The following DLGAP4 variants were observed in gnomAD, a reference collection of about 807,000 sequenced individuals.
DLGAP4 encodes the protein disks large-associated protein 4.
Under a neutral mutation model 86.9 loss-of-function variants are expected in DLGAP4, and 18 were observed. The ratio of observed to expected loss-of-function variants is 0.21; its 90% CI spans 0.14 to 0.31. The LOEUF (loss-of-function observed/expected upper bound fraction) is 0.31. Ranked by LOEUF, DLGAP4 falls within the 10% of genes least tolerant of loss-of-function variation. The pLI, the probability that DLGAP4 is intolerant of heterozygous loss-of-function variation, is 1.00. For missense variants in DLGAP4, 1,085 were observed against 1,362.6 expected (o/e 0.80, Z 3.21); for synonymous variants, 548 against 574.3 (o/e 0.95, Z 0.65).
At chr20:36,323,202 A>AAAAAC (rs1555890742) in intron 1 of DLGAP4, among the ~76,000 whole-genome samples, 1 of 150,758 alleles carries the variant, frequency 6.6e-6, no homozygotes, top group African/African-American at 2.4e-5. Flanking sequence ...AAAAAAAAAA[A>AAAAAC]AGATATAGGA....
intron 1 of DLGAP4, among the ~76,000 whole-genome samples, chr20:36,364,297 A>C (rs1429528560): frequency 6.6e-6 from 1 of 152,042 alleles, no homozygotes; most frequent in African/African-American, 2.4e-5. Flanking sequence ...TGTAGTCCCA[A>C]CTACTTTTGA....
chr20:36,381,181 A>C (rs548142655), intron 2 of DLGAP4, among the ~76,000 whole-genome samples: 39 of 152,366 alleles, frequency 2.6e-4, no homozygotes, highest in Admixed American at 1.8e-3. Flanking sequence ...TTCATTCAGC[A>C]AGCAAGCAAG....
intron 2 of DLGAP4, among the ~76,000 whole-genome samples, chr20:36,406,477 C>T (rs1053771202): frequency 5.0e-4 from 75 of 151,464 alleles, no homozygotes; most frequent in African/African-American, 1.7e-3. Flanking sequence ...AGATGCTCTG[C>T]GTGTCTTGGT....
intron 8 of DLGAP4, chr20:36,498,742 C>G (rs574744488): frequency 5.2e-5 from 8 of 154,108 alleles, no homozygotes; most frequent in Non-Finnish European, 1.0e-4. Context: ...CTTGGTGCCT[C>G]ATGCCCTAGA....
chr20:36,408,279 G>A (rs1342932897), intron 2 of DLGAP4, among the ~76,000 whole-genome samples: 2 of 151,936 alleles, frequency 1.3e-5, no homozygotes, highest in Non-Finnish European at 2.9e-5. Context: ...AATCCTTATT[G>A]TTATCCAGGC....
intron 7 of DLGAP4, among the ~76,000 whole-genome samples, chr20:36,471,906 A>G (rs906565271): frequency 6.6e-6 from 1 of 152,162 alleles, no homozygotes; most frequent in Non-Finnish European, 1.5e-5. Context: ...AGACGAGAGA[A>G]AAAAAAAGAT....
At chr20:36,459,715 C>A (rs1245982984) in intron 7 of DLGAP4, among the ~76,000 whole-genome samples, 1 of 152,246 alleles carries the variant, frequency 6.6e-6, no homozygotes, top group Non-Finnish European at 1.5e-5. Flanking sequence ...TCAAGCGATT[C>A]ACCTGCCTCA....
rs768621942 is a variant in DLGAP4, at chr20:36,500,598, C to A, written c.2499C>A (p.Asn833Lys). The A allele has an allele frequency of 3.3e-6, 5 of 1,498,528 alleles. No homozygotes were observed. The highest frequency in any genetic ancestry group is 1.8e-4 in the Middle Eastern group (1 of 5,576). The allele number at this position is 1,498,528 out of a possible 1,614,324, so 92.8% of individuals were successfully genotyped here. The change falls in exon 10 of 13, where the codon AAC becomes AAA. Residue 833 changes from asparagine to lysine, a missense_variant. Coordinates refer to ENST00000339266, the MANE Select transcript of DLGAP4 (RefSeq NM_001365621.2). The surrounding 1 kb of genome is among the most constrained non-coding windows in gnomAD (Gnocchi z 4.6). ...CQMDKETKEN[N>K]LSEEVLGKVL... ...TGGACAAGGAGACCAAAGAGAACAACCTCTCTGAAGAAGGTGGGTGCCACA... is the reference window on the plus strand; with the variant it reads ...TGGACAAGGAGACCAAAGAGAACAAACTCTCTGAAGAAGGTGGGTGCCACA...
At chr20:36,346,533 G>A (rs1555893008) in intron 1 of DLGAP4, among the ~76,000 whole-genome samples, 1 of 152,194 alleles carries the variant, frequency 6.6e-6, no homozygotes, top group African/African-American at 2.4e-5. Context: ...CCCACAAAGT[G>A]GTGCAGGCAG....
chr20:36,345,938 G>T (rs1416171024), intron 1 of DLGAP4, among the ~76,000 whole-genome samples: 1 of 151,926 alleles, frequency 6.6e-6, no homozygotes, highest in Non-Finnish European at 1.5e-5. Flanking sequence ...TTTTATTTTT[G>T]TAGAGACAGG....
chr20:36,505,468 A>C (rs2036321149), intron 10 of DLGAP4, among the ~76,000 whole-genome samples: 1 of 151,700 alleles, frequency 6.6e-6, no homozygotes, highest in African/African-American at 2.4e-5. Context: ...CTTTCTATGG[A>C]CCCCTTCTTA....
At chr20:36,505,347 C>T (rs2036315920) in intron 10 of DLGAP4, among the ~76,000 whole-genome samples, 1 of 152,078 alleles carries the variant, frequency 6.6e-6, no homozygotes, top group Admixed American at 6.6e-5. Flanking sequence ...CTTGTGTCTC[C>T]ACTTATTTTT....
chr20:36,433,602 A>G (rs1230090713), intron 3 of DLGAP4, among the ~76,000 whole-genome samples: 9 of 151,528 alleles, frequency 5.9e-5, no homozygotes, highest in Non-Finnish European at 1.2e-4. Flanking sequence ...CTCAGGGGGA[A>G]TGCAAGCGCG....
At position 36,345,902 on chromosome 20, in the gene DLGAP4, C is replaced by T. The variant is rs2029921637; in HGVS notation, c.-303-21143C>T. 1.3e-5 allele frequency among the ~76,000 whole-genome samples: 2 copies of T among 152,246 alleles called. 1 individual carries two copies. Among genetic ancestry groups the T allele is most frequent in the South Asian group, 4.1e-4 (2 of 4,822 alleles). On this transcript the variant is annotated intron_variant, in intron 1 of 12. Coordinates refer to ENST00000339266, the MANE Select transcript of DLGAP4 (RefSeq NM_001365621.2). ...CCTCCCAAGTAGCTGGGACTACAGG[C>T]ACTTACCACCACACCAGGCTAACTT...
At chr20:36,493,539 C>T (rs922973506) in intron 7 of DLGAP4, among the ~76,000 whole-genome samples, 2 of 152,234 alleles carry the variant, frequency 1.3e-5, no homozygotes, top group African/African-American at 2.4e-5. Context: ...CTGCCTCCGT[C>T]GAGGCCCTTT....
rs1823959291 is a variant in DLGAP4 at position 36,527,493 on chromosome 20, T to G, written c.*462T>G. On this transcript the variant is annotated 3_prime_UTR_variant, in exon 13 of 13. Transcript: ENST00000339266. ...TGATTTTCATTCTTATGTTTTTCTC[T>G]TTTCCCTTCAGAGCTCACACAGTGG... The G allele has an allele frequency of 6.5e-6, 1 of 154,460 alleles. No individual in the cohort carries two copies. The highest frequency in any genetic ancestry group is 2.4e-5 in the African/African-American group (1 of 41,460). The allele number at this position is 154,460 out of a possible 1,614,324, so 9.6% of individuals were successfully genotyped here.
chr20:36,419,175 T>G lies in DLGAP4; in HGVS notation c.-72-12471T>G, dbSNP rs114276079. ...CTTACTCTTGTCACCTAGACTGGAG[T>G]GCAGTGGCAAAATCATGGCTCACTG... On this transcript the variant is annotated intron_variant, in intron 2 of 12. Transcript: ENST00000339266. Among the ~76,000 whole-genome samples the G allele has an allele frequency of 7.6e-3, 1,150 of 151,954 alleles. 11 individuals carry two copies. The highest frequency in any genetic ancestry group is 0.026 in the African/African-American group (1,059 of 41,430).
intron 1 of DLGAP4, among the ~76,000 whole-genome samples, chr20:36,321,602 G>A (rs576401091): frequency 8.2e-4 from 125 of 152,218 alleles, no homozygotes; most frequent in Non-Finnish European, 1.5e-3. Context: ...TTTCATCTGC[G>A]CCCGAGTCTA....
chr20:36,439,748 C>G lies in DLGAP4; in HGVS notation c.1242-6C>G. The G allele has an allele frequency of 2.5e-6, 4 of 1,611,256 alleles. No individual in the cohort carries two copies. Among genetic ancestry groups the G allele is most frequent in the Non-Finnish European group, 2.5e-6 (3 of 1,178,882 alleles). On this transcript the variant is annotated splice_polypyrimidine_tract_variant and splice_region_variant and intron_variant, in intron 4 of 12. Coordinates refer to ENST00000339266, the MANE Select transcript of DLGAP4 (RefSeq NM_001365621.2). ...TGAGCCCTGTCTGCTCCCCACTCCCCACCAGGAGTCTGGACCGCCTGGATT... is the reference window on the plus strand; with the variant it reads ...TGAGCCCTGTCTGCTCCCCACTCCCGACCAGGAGTCTGGACCGCCTGGATT...
Sources: allele counts gnomAD v4.1 joint callset (sites outside exome capture counted in the v4.1 genomes callset), GRCh38; gene constraint gnomAD v4.1.1; non-coding constraint Gnocchi (gnomAD v3.1); transcripts MANE v1.5; gene names NCBI Gene and HGNC (gene_info 2026-07-23, HGNC 2026-07-21).